Variants in XKR3 observed in about 807,000 individuals in gnomAD.
XKR3 encodes the protein XK-related protein 3.
Under a neutral mutation model 40.3 loss-of-function variants are expected in XKR3, and 27 were observed. That is an observed-to-expected ratio of 0.67 (90% CI 0.49 to 0.92). The LOEUF (loss-of-function observed/expected upper bound fraction) is 0.92. XKR3 is among the 40% of genes least tolerant of loss of function. XKR3 has a pLI of 0.00. For missense variants in XKR3, 472 were observed against 537.6 expected, an observed-to-expected ratio of 0.88 and a Z score of 1.21; for synonymous variants, 193 against 195.4, an observed-to-expected ratio of 0.99 and a Z score of 0.10.
chr22:16,809,415 AT>A (rs2060203784), intron 1 of XKR3, among the ~76,000 whole-genome samples: 1 of 152,166 alleles, frequency 6.6e-6, no homozygotes, highest in South Asian at 2.1e-4. Context: ...ATATTTTACA[AT>A]TCAAAACAAA....
At chr22:16,816,236 C>T (rs552760334) in intron 1 of XKR3, among the ~76,000 whole-genome samples, 61 of 151,658 alleles carry the variant, frequency 4.0e-4, no homozygotes, top group Admixed American at 2.2e-3. Context: ...CTGCCTTTGC[C>T]GCCTCTCTTT....
At chr22:16,785,051 C>T (rs1472683463) in intron 3 of XKR3, among the ~76,000 whole-genome samples, 10 of 152,346 alleles carry the variant, frequency 6.6e-5, no homozygotes, top group African/African-American at 2.4e-4. Flanking sequence ...GGCGCGGTGG[C>T]TCACGCCTGT....
chr22:16,807,660 T>G, intron 2 of XKR3, 79 bp downstream of exon 2: 1 of 1,242,000 alleles, frequency 8.1e-7, no homozygotes, highest in Non-Finnish European at 1.1e-6. Flanking sequence ...AATTATGGCA[T>G]CCTTAATCTT....
chr22:16,802,551 G>A (rs532509106), intron 2 of XKR3, among the ~76,000 whole-genome samples: 20 of 151,794 alleles, frequency 1.3e-4, no homozygotes, highest in East Asian at 3.9e-4. Flanking sequence ...GTACAGTGGC[G>A]TGATATTGGC....
At chr22:16,794,762 A>T (rs1224117314) in intron 3 of XKR3, among the ~76,000 whole-genome samples, 2 of 152,110 alleles carry the variant, frequency 1.3e-5, no homozygotes, top group Non-Finnish European at 2.9e-5. Flanking sequence ...GACAAACCCA[A>T]CCATCTGTGG....
intron 3 of XKR3, among the ~76,000 whole-genome samples, chr22:16,791,739 GGGAGAGAGA>G (rs1251935732): frequency 2.2e-4 from 30 of 136,962 alleles, no homozygotes; most frequent in Admixed American, 1.8e-3. Flanking sequence ...GGGAGAAAGA[GGGAGAGAGA>G]GGGAGAGAGA....
chr22:16,814,175 G>C (rs1601850472), intron 1 of XKR3, among the ~76,000 whole-genome samples: 2 of 152,210 alleles, frequency 1.3e-5, no homozygotes, highest in African/African-American at 4.8e-5. Flanking sequence ...TTCAGCTCCT[G>C]AATTTAGGTT....
At chr22:16,789,142 T>C (rs1404905679) in intron 3 of XKR3, among the ~76,000 whole-genome samples, 2 of 152,144 alleles carry the variant, frequency 1.3e-5, no homozygotes, top group Non-Finnish European at 2.9e-5. Flanking sequence ...ACTGCTTATA[T>C]TAACATAATC....
Position 16,798,064 on chromosome 22 carries a change from C to T in XKR3, c.589+1707G>A, listed in dbSNP as rs1251173772. 6.6e-5 allele frequency among the ~76,000 whole-genome samples: 10 copies of T among 151,152 alleles called. 1 individual carries two copies. Among genetic ancestry groups the T allele is most frequent in the Admixed American group, 4.6e-4 (7 of 15,178 alleles). ...GCATGTTGGCACATGCCTGTAATCA[C>T]AGGTACCTGGGAGGCTGAGGCAGGA... is the stretch of plus-strand genomic sequence containing the variant. On this transcript the variant is annotated intron_variant, in intron 3 of 3. Coordinates refer to ENST00000684488, the MANE Select transcript of XKR3 (RefSeq NM_001386955.1).
At chr22:16,798,422 A>T (rs1450661147) in intron 3 of XKR3, among the ~76,000 whole-genome samples, 1 of 152,200 alleles carries the variant, frequency 6.6e-6, no homozygotes, top group Admixed American at 6.5e-5. Context: ...GAAGTTTCTC[A>T]AAGAATTTAA....
chr22:16,796,086 C>A (rs1318545577), intron 3 of XKR3, among the ~76,000 whole-genome samples: 1 of 152,052 alleles, frequency 6.6e-6, no homozygotes, highest in Non-Finnish European at 1.5e-5. Context: ...TCTATGAACA[C>A]AAATTAGAAA....
In XKR3 at chr22:16,783,793, TG is replaced by T; in HGVS notation, c.1205del (p.Pro402HisfsTer23). ...FMLLFYQYLY[P>X]WQSGKVLPGR... ...CTGGCAACACTTTGCCTGACTGCCA[TG>T]GGTACAAATACTGATAGAAGAGGAG... On this transcript the variant is annotated frameshift_variant, in exon 4 of 4. Coordinates refer to ENST00000684488, the MANE Select transcript of XKR3 (RefSeq NM_001386955.1). LOFTEE classifies it high-confidence loss of function. 6.2e-7 allele frequency: 1 copy of T among 1,614,204 alleles called. No homozygotes were observed. Among genetic ancestry groups the T allele is most frequent in the Non-Finnish European group, 8.5e-7 (1 of 1,180,048 alleles).
intron 2 of XKR3, 82 bp from the exon 3 acceptor site, chr22:16,800,106 A>T: frequency 5.4e-6 from 8 of 1,488,848 alleles, no homozygotes; most frequent in Non-Finnish European, 7.2e-6. Context: ...TCAGGAGAGG[A>T]ACTCTTAATT....
chr22:16,787,432 C>A (rs1268504185), intron 3 of XKR3, among the ~76,000 whole-genome samples: 1 of 151,632 alleles, frequency 6.6e-6, no homozygotes, highest in East Asian at 1.9e-4. Flanking sequence ...GGTTGGTGGA[C>A]GCCTGTAATC....
At chr22:16,809,656 A>G (rs1057019570) in intron 1 of XKR3, among the ~76,000 whole-genome samples, 3 of 152,216 alleles carry the variant, frequency 2.0e-5, no homozygotes, top group African/African-American at 7.2e-5. Context: ...TCTCATTTGA[A>G]CATTCCACTT....
chr22:16,797,434 C>T (rs1395215075), intron 3 of XKR3, among the ~76,000 whole-genome samples: 2 of 152,156 alleles, frequency 1.3e-5, no homozygotes, highest in Admixed American at 1.3e-4. Flanking sequence ...CCAGCAAAGG[C>T]TTAAGATCCA....
intron 3 of XKR3, among the ~76,000 whole-genome samples, chr22:16,791,400 A>G (rs1205810759): frequency 3.3e-5 from 5 of 152,114 alleles, no homozygotes; most frequent in Non-Finnish European, 7.4e-5. Flanking sequence ...AAGAATGAGG[A>G]GAATTTTATC....
intron 1 of XKR3, among the ~76,000 whole-genome samples, chr22:16,824,568 C>T (rs1244749700): frequency 6.6e-6 from 1 of 151,732 alleles, no homozygotes; most frequent in Non-Finnish European, 1.5e-5. Flanking sequence ...CAGAAGTAGG[C>T]GAGGGGTATA....
intron 3 of XKR3, among the ~76,000 whole-genome samples, chr22:16,792,469 C>T (rs1197145890): frequency 6.6e-6 from 1 of 152,196 alleles, no homozygotes; most frequent in African/African-American, 2.4e-5. Context: ...ACTATAGATC[C>T]TATCCCATGG....
Sources: allele counts gnomAD v4.1 joint callset (sites outside exome capture counted in the v4.1 genomes callset), GRCh38; gene constraint gnomAD v4.1.1; transcripts MANE v1.5; gene names NCBI Gene and HGNC (gene_info 2026-07-23, HGNC 2026-07-21).